Variants in CAMTA2 observed in about 807,000 individuals in gnomAD.
CAMTA2 encodes the protein calmodulin binding transcription activator 2.
A neutral mutation model predicts 135.7 loss-of-function variants in CAMTA2; 56 were observed. That is an observed-to-expected ratio of 0.41 (90% CI 0.33 to 0.52). The LOEUF is 0.52. Among genes scored for constraint, CAMTA2 ranks in the 20% least tolerant of loss-of-function variants. CAMTA2 has a pLI of 0.16. For synonymous variants in CAMTA2, 591 were observed against 604.6 expected (o/e 0.98, Z 0.33); for missense variants, 1,358 against 1,553.4 (o/e 0.87, Z 2.11).
intron 16 of CAMTA2, among the ~76,000 whole-genome samples, 172 bp from the exon 17 acceptor site, chr17:4,970,708 C>A (rs542362968): frequency 2.3e-4 from 35 of 152,298 alleles, no homozygotes; most frequent in African/African-American, 8.2e-4. Flanking sequence ...ACTTGGGGGT[C>A]CCTCTGTGCT....
Position 4,981,078 on chromosome 17 carries a change from C to T in CAMTA2, c.700+147G>A, listed in dbSNP as rs944849249. On this transcript the variant is annotated intron_variant, in intron 8 of 22. Transcript: ENST00000348066. ...GAGCCAGTGTGCACCCAGATGGGAA[C>T]GTCTGTTCATCTGGCCCATCTTTCT... 18 of 997,222 alleles carry T rather than the reference C, an allele frequency of 1.8e-5. No individual in the cohort carries two copies. In the South Asian group the frequency reaches 1.8e-4, roughly 10 times the overall value. 61.8% of individuals were successfully genotyped at this position (997,222 alleles called of 1,614,324 possible).
Position 4,969,042 on chromosome 17 carries a change from G to A in CAMTA2, c.3471-61C>T. ...GCATCGCATGCCTTCGGCCCCCCCAGGAACCCTAGGCAGGGAATGGCAGTG... is the reference window on the plus strand; with the variant it reads ...GCATCGCATGCCTTCGGCCCCCCCAAGAACCCTAGGCAGGGAATGGCAGTG... On this transcript the variant is annotated intron_variant, in intron 21 of 22. Transcript: ENST00000348066. The surrounding 1 kb of genome is among the most constrained non-coding windows in gnomAD (Gnocchi z 5.6). 6.3e-7 allele frequency: 1 copy of A among 1,593,236 alleles called. No individual in the cohort carries two copies. The highest frequency in any genetic ancestry group is 2.2e-5 in the East Asian group (1 of 44,744).
In CAMTA2 at chr17:4,981,371, A is replaced by AG; in HGVS notation, c.566-13dup. On this transcript the variant is annotated splice_polypyrimidine_tract_variant and intron_variant, in intron 7 of 22. Coordinates refer to ENST00000348066, the MANE Select transcript of CAMTA2 (RefSeq NM_015099.4). Reference sequence around the variant, plus strand: ...CTTGATGCCATGAACTAGAGAAGTTAGGGGGAAGTGCTGTGGGATCCCCAC... The same window carrying AG: ...CTTGATGCCATGAACTAGAGAAGTTAGGGGGGAAGTGCTGTGGGATCCCCAC... 1 of 1,613,528 alleles carries AG rather than the reference A, an allele frequency of 6.2e-7. No individual in the cohort carries two copies. The highest frequency in any genetic ancestry group is 1.1e-5 in the South Asian group (1 of 91,058).
rs775604067 is a variant in CAMTA2 at position 4,981,714 on chromosome 17, A to T, written c.529T>A (p.Ser177Thr). 6.2e-7 allele frequency: 1 copy of T among 1,610,996 alleles called. No individual in the cohort carries two copies. Among genetic ancestry groups the T allele is most frequent in the Non-Finnish European group, 8.5e-7 (1 of 1,178,514 alleles). The change falls in exon 7 of 23, where the codon TCC becomes ACC. Residue 177 changes from serine (S) to threonine (T), a missense_variant. Coordinates refer to ENST00000348066, the MANE Select transcript of CAMTA2 (RefSeq NM_015099.4). Reference protein sequence around the residue: ...SSDRREWLKWSREELLGQLKP... With the variant: ...SSDRREWLKWTREELLGQLKP... ...AGCTGTCCCAACAACTCCTCCCGGGACCACTTCAGCCACTCTCGACGGTCG... is the reference window on the plus strand; with the variant it reads ...AGCTGTCCCAACAACTCCTCCCGGGTCCACTTCAGCCACTCTCGACGGTCG...
chr17:4,986,886 C>T (rs1278798283), intron 1 of CAMTA2: 4 of 1,293,744 alleles, frequency 3.1e-6, no homozygotes, highest in Non-Finnish European at 4.3e-6. Flanking sequence ...CTCCGGCTGA[C>T]AGCCCTCTCT....
At position 4,982,456 on chromosome 17, in the gene CAMTA2, C is replaced by A. The variant is rs540579439; in HGVS notation, c.340-296G>T. 2.6e-5 allele frequency among the ~76,000 whole-genome samples: 4 copies of A among 152,290 alleles called. No individual in the cohort carries two copies. In the South Asian group the frequency reaches 8.3e-4, roughly 32 times the overall value. ...GGGGCAATGATTTGGGGAAGAGAAACCTGTGCTGAGAGCATCATTGCTGGG... is the reference window on the plus strand; with the variant it reads ...GGGGCAATGATTTGGGGAAGAGAAAACTGTGCTGAGAGCATCATTGCTGGG... On this transcript the variant is annotated intron_variant, in intron 5 of 22. Transcript: ENST00000348066.
In CAMTA2 at chr17:4,972,554, AGAGT is replaced by A; in HGVS notation, c.2504-22_2504-19del. 1 of 1,596,672 alleles carries A rather than the reference AGAGT, an allele frequency of 6.3e-7. No homozygotes were observed. The highest frequency in any genetic ancestry group is 8.5e-7 in the Non-Finnish European group (1 of 1,172,568). On this transcript the variant is annotated intron_variant, in intron 15 of 22. Transcript: ENST00000348066. ...GCTCAGACCTGTGTGGGGAGGGAAG[AGAGT>A]GAGGGCAGCCGGAGCCACGGCCATC...
intron 10 of CAMTA2, 22 bp from the exon 11 acceptor site, chr17:4,977,214 A>C: frequency 1.9e-6 from 3 of 1,609,214 alleles, no homozygotes; most frequent in Middle Eastern, 1.7e-4. Context: ...AGGATCAGCG[A>C]GAAGGGCTCT....
At chr17:4,978,670 C>G in intron 9 of CAMTA2, 40 bp from the exon 10 acceptor site, 1 of 1,598,796 alleles carries the variant, frequency 6.3e-7, no homozygotes, top group Non-Finnish European at 8.5e-7. Context: ...TGGAGTTGGG[C>G]GTTCATCCCC....
chr17:4,981,968 C>T (rs957349942), intron 6 of CAMTA2, 121 bp downstream of exon 6: 1 of 1,264,360 alleles, frequency 7.9e-7, no homozygotes, highest in African/African-American at 1.5e-5. Context: ...AAGCCCCTTT[C>T]TCTTCTTCCC....
intron 11 of CAMTA2, 32 bp downstream of exon 11, chr17:4,977,026 G>A (rs757744481): frequency 3.7e-6 from 6 of 1,612,084 alleles, no homozygotes; most frequent in East Asian, 4.5e-5. Context: ...GCTGTGGGCT[G>A]GATACTTGGG....
At chr17:4,978,393 G>A (rs889829396) in intron 10 of CAMTA2, 111 bp downstream of exon 10, 1 of 1,183,406 alleles carries the variant, frequency 8.5e-7, no homozygotes, top group Non-Finnish European at 1.2e-6. Flanking sequence ...AAGTCCTTGT[G>A]CTCTCAAAAC....
chr17:4,987,270 C>A, intron 1 of CAMTA2: 1 of 1,342,076 alleles, frequency 7.5e-7, no homozygotes, highest in African/African-American at 1.5e-5. Context: ...CCAGGAGAAC[C>A]TCCGAGGTGG....
chr17:4,973,084 C>G, intron 14 of CAMTA2, 91 bp downstream of exon 14: 1 of 1,510,524 alleles, frequency 6.6e-7, no homozygotes. Flanking sequence ...CCCAGCCCAC[C>G]CCACTCCCTG....
chr17:4,969,801 C>G lies in CAMTA2; in HGVS notation c.3190-100G>C. ...GGTTCCCCTGACCCTTTACCCCATC[C>G]AAGGCCTGTCTGCACGACTACTCAT... On this transcript the variant is annotated intron_variant, in intron 18 of 22. Coordinates refer to ENST00000348066, the MANE Select transcript of CAMTA2 (RefSeq NM_015099.4). This position sits in a 1 kb window ranked among gnomAD's most constrained non-coding sequence, Gnocchi z 5.6. The G allele has an allele frequency of 1.3e-6, 2 of 1,589,722 alleles. No individual in the cohort carries two copies. Among genetic ancestry groups the G allele is most frequent in the Non-Finnish European group, 1.7e-6 (2 of 1,160,514 alleles).
At chr17:4,987,569 C>T (rs1270191708) in intron 1 of CAMTA2, 24 bp downstream of exon 1, 4 of 1,511,262 alleles carry the variant, frequency 2.6e-6, no homozygotes, top group Non-Finnish European at 3.5e-6. Flanking sequence ...GGCGGAGAGG[C>T]GGGCGAGAGG....
Position 4,974,503 on chromosome 17 carries a change from G to C in CAMTA2, c.1901-3C>G. On this transcript the variant is annotated splice_region_variant and splice_polypyrimidine_tract_variant and intron_variant, in intron 11 of 22. Coordinates refer to ENST00000348066, the MANE Select transcript of CAMTA2 (RefSeq NM_015099.4). ...TATGGACATCCGGAACTGGTTGTCT[G>C]AGGGGGAACGGGTATGGGAGGCTGA... is the stretch of plus-strand genomic sequence containing the variant. The C allele has an allele frequency of 6.3e-7, 1 of 1,599,310 alleles. No individual in the cohort carries two copies. Among genetic ancestry groups the C allele is most frequent in the Non-Finnish European group, 8.6e-7 (1 of 1,166,470 alleles).
At chr17:4,979,611 G>GTT in intron 9 of CAMTA2, 73 bp downstream of exon 9, 1 of 1,091,454 alleles carries the variant, frequency 9.2e-7, no homozygotes, top group Non-Finnish European at 1.4e-6. Context: ...CGGGGTAAGA[G>GTT]TTAATACAAT....
intron 11 of CAMTA2, 107 bp downstream of exon 11, chr17:4,976,951 T>A: frequency 6.6e-6 from 7 of 1,059,760 alleles, no homozygotes; most frequent in South Asian, 6.2e-5. Flanking sequence ...AAAAAAATGG[T>A]AAAGTGGGGG....
Sources: gnomAD v4.1 joint callset for allele counts (sites outside exome capture counted in the v4.1 genomes callset) on GRCh38, gnomAD v4.1.1 for gene constraint, Gnocchi (gnomAD v3.1) non-coding constraint, MANE v1.5 for transcripts, NCBI Gene and HGNC (gene_info 2026-07-23, HGNC 2026-07-21) for gene names.